The following RBFOX3 variants were observed in gnomAD, a reference collection of about 807,000 sequenced individuals.
RBFOX3 encodes RNA binding protein fox-1 homolog 3.
A neutral mutation model predicts 48.7 loss-of-function variants in RBFOX3; 17 were observed. The ratio of observed to expected loss-of-function variants is 0.35; its 90% CI spans 0.24 to 0.52. RBFOX3 has a LOEUF of 0.52. RBFOX3 is among the 20% of genes least tolerant of loss of function. RBFOX3 has a pLI of 0.94. For synonymous variants in RBFOX3, 212 were observed against 209.5 expected (o/e 1.01, Z -0.10); for missense variants, 382 against 497.5 (o/e 0.77, Z 2.21).
chr17:79,300,602 C>T (rs538414083), intron 3 of RBFOX3, among the ~76,000 whole-genome samples: 1 of 152,284 alleles, frequency 6.6e-6, no homozygotes, highest in Admixed American at 6.5e-5. Context: ...AACCAGGAGG[C>T]TGGGGCAACG....
At chr17:79,216,432 TG>T (rs1327264854) in intron 4 of RBFOX3, among the ~76,000 whole-genome samples, 1 of 149,192 alleles carries the variant, frequency 6.7e-6, no homozygotes, top group Non-Finnish European at 1.5e-5. Context: ...GGAGATGGAC[TG>T]GGGGGCAGGC....
chr17:79,293,408 A>G (rs1488280099), intron 3 of RBFOX3, among the ~76,000 whole-genome samples: 1 of 26,626 alleles, frequency 3.8e-5, no homozygotes, highest in Admixed American at 6.0e-4. Context: ...CCTCCCCTCC[A>G]CCCCTTCCTT....
the RBFOX3 span, among the ~76,000 whole-genome samples, chr17:79,633,831 A>T: frequency 1.3e-5 from 2 of 152,012 alleles, no homozygotes; most frequent in Non-Finnish European, 2.9e-5. Context: ...CCGTGTCCTG[A>T]TGTGCCACCC....
At chr17:79,331,038 G>A (rs550736562) in intron 2 of RBFOX3, among the ~76,000 whole-genome samples, 28 of 152,220 alleles carry the variant, frequency 1.8e-4, no homozygotes, top group Non-Finnish European at 2.5e-4. Flanking sequence ...TTAAAGAAAC[G>A]TATATCTGCA....
Position 79,195,079 on chromosome 17 carries a change from G to T in RBFOX3, c.-34+40687C>A, listed in dbSNP as rs891190337. 6.6e-6 allele frequency among the ~76,000 whole-genome samples: 1 copy of T among 152,000 alleles called. No homozygotes were observed. Among genetic ancestry groups the T allele is most frequent in the African/African-American group, 2.4e-5 (1 of 41,376 alleles). On this transcript the variant is annotated intron_variant, in intron 4 of 14. Coordinates refer to ENST00000693108, the MANE Select transcript of RBFOX3 (RefSeq NM_001350451.2). The surrounding 1 kb of genome is among the most constrained non-coding windows in gnomAD (Gnocchi z 5.3). ...CTATCATCCCCATTGCCTGCGCGGT[G>T]CCTGGCCACGGGTAGCCTCTCAAGA...
chr17:79,457,473 G>A (rs951319185), intron 2 of RBFOX3, among the ~76,000 whole-genome samples: 6 of 152,172 alleles, frequency 3.9e-5, no homozygotes, highest in Admixed American at 2.0e-4. Context: ...ACACGTGGCC[G>A]CTAACTCCTT....
intron 2 of RBFOX3, among the ~76,000 whole-genome samples, chr17:79,454,674 C>T (rs782491149): frequency 3.9e-5 from 6 of 152,174 alleles, no homozygotes; most frequent in Non-Finnish European, 7.4e-5. Context: ...ATCAAAGGCC[C>T]AGAGAGGTTA....
intron 2 of RBFOX3, among the ~76,000 whole-genome samples, chr17:79,344,540 A>ATTACTTATTTAT (rs2082585533): frequency 6.8e-6 from 1 of 147,324 alleles, no homozygotes; most frequent in Non-Finnish European, 1.5e-5. Context: ...ACTTTGTTTG[A>ATTACTTATTTAT]TTATTTATTT....
intron 1 of RBFOX3, among the ~76,000 whole-genome samples, chr17:79,582,105 C>T (rs2093083462): frequency 6.9e-6 from 1 of 145,724 alleles, no homozygotes; most frequent in Non-Finnish European, 1.5e-5. Flanking sequence ...CGTGCCTGCC[C>T]GTGTATGTGC....
upstream of RBFOX3, among the ~76,000 whole-genome samples, chr17:79,615,798 C>T (rs1207671226): frequency 6.6e-6 from 1 of 152,196 alleles, no homozygotes; most frequent in African/African-American, 2.4e-5. Context: ...CTGCAAGAAG[C>T]CCCAGCCAAG....
At chr17:79,458,262 G>GT (rs2149234762) in intron 2 of RBFOX3, among the ~76,000 whole-genome samples, 1 of 152,326 alleles carries the variant, frequency 6.6e-6, no homozygotes, top group African/African-American at 2.4e-5. Flanking sequence ...CCTTGTTTTT[G>GT]TTTTTTGTTG....
chr17:79,402,425 C>T (rs2062925055), intron 2 of RBFOX3, among the ~76,000 whole-genome samples: 1 of 152,206 alleles, frequency 6.6e-6, no homozygotes, highest in African/African-American at 2.4e-5. Flanking sequence ...ACTGGGAAAC[C>T]TAATTAAATT....
chr17:79,545,311 G>C (rs1168206373), intron 1 of RBFOX3, among the ~76,000 whole-genome samples: 4 of 152,202 alleles, frequency 2.6e-5, no homozygotes, highest in African/African-American at 9.6e-5. Context: ...AAGAAGGAAG[G>C]GGCCAGCCGT....
chr17:79,336,082 G>A (rs928468511), intron 2 of RBFOX3, among the ~76,000 whole-genome samples: 3 of 152,072 alleles, frequency 2.0e-5, no homozygotes, highest in Non-Finnish European at 4.4e-5. Flanking sequence ...CATCACACCC[G>A]TTCTTTTAAA....
intron 3 of RBFOX3, among the ~76,000 whole-genome samples, chr17:79,241,875 C>T (rs2062431994): frequency 6.6e-6 from 1 of 152,156 alleles, no homozygotes; most frequent in African/African-American, 2.4e-5. Context: ...AATCCCATTG[C>T]CCAAGGGACC....
chr17:79,118,489 A>T (rs978015162), intron 4 of RBFOX3, among the ~76,000 whole-genome samples: 10 of 152,134 alleles, frequency 6.6e-5, no homozygotes, highest in Admixed American at 2.6e-4. Flanking sequence ...GGTGGAGAGC[A>T]TCTAGAACCC....
intron 4 of RBFOX3, among the ~76,000 whole-genome samples, chr17:79,224,247 A>C (rs1387375142): frequency 6.6e-6 from 1 of 151,996 alleles, no homozygotes; most frequent in African/African-American, 2.4e-5. Flanking sequence ...CAGGCAGCCC[A>C]CCCGATGGCT....
intron 3 of RBFOX3, among the ~76,000 whole-genome samples, chr17:79,285,178 C>T (rs890803934): frequency 6.6e-6 from 1 of 152,172 alleles, no homozygotes. Context: ...AACAGCCAAC[C>T]CTCCTCTGGG....
chr17:79,166,047 G>C (rs1393674694), intron 4 of RBFOX3, among the ~76,000 whole-genome samples: 2 of 152,234 alleles, frequency 1.3e-5, no homozygotes, highest in Non-Finnish European at 2.9e-5. Flanking sequence ...GAGCTGGAGT[G>C]AGATGTTGCA....
Sources: allele counts gnomAD v4.1 joint callset (sites outside exome capture counted in the v4.1 genomes callset), GRCh38; gene constraint gnomAD v4.1.1; non-coding constraint Gnocchi (gnomAD v3.1); transcripts MANE v1.5; gene names NCBI Gene and HGNC (gene_info 2026-07-23, HGNC 2026-07-21).